The following PRORP variants were observed in gnomAD, a reference collection of about 807,000 sequenced individuals.
The protein encoded by PRORP is protein only RNase P catalytic subunit, also known as mitochondrial ribonuclease P catalytic subunit.
Under a neutral mutation model 59.4 loss-of-function variants are expected in PRORP, and 51 were observed. The ratio of observed to expected loss-of-function variants is 0.86; its 90% confidence interval spans 0.69 to 1.08. PRORP has a LOEUF of 1.08. Ranked by LOEUF, PRORP falls within the 50% of genes least tolerant of loss-of-function variation. PRORP has a pLI of 0.00. For synonymous variants in PRORP, 231 were observed against 245.6 expected (o/e 0.94, Z 0.55); for missense variants, 646 against 690.3 (o/e 0.94, Z 0.72).
rs1200268166 is a variant in PRORP, at chr14:35,266,887, A to G, written c.1424+12A>G. ...TTTGCTGATGACATGTAAGTGTTGG[A>G]GGTAATAGGTGAATTATACTGTGCT... On this transcript the variant is annotated intron_variant, in intron 6 of 7. Transcript: ENST00000534898. The G allele has an allele frequency of 1.9e-6, 3 of 1,613,788 alleles. No homozygotes were observed. In the African/African-American group the frequency reaches 4.0e-5, roughly 22 times the overall value.
At chr14:35,129,240 TTTTAAG>T (rs1158479793) in intron 4 of PRORP, among the ~76,000 whole-genome samples, 1 of 152,052 alleles carries the variant, frequency 6.6e-6, no homozygotes, top group Non-Finnish European at 1.5e-5. Flanking sequence ...AGGTTGTTTA[TTTTAAG>T]TTTTTCTTCT....
chr14:35,173,828 G>A (rs1229381466), intron 4 of PRORP, among the ~76,000 whole-genome samples: 1 of 151,988 alleles, frequency 6.6e-6, no homozygotes, highest in Non-Finnish European at 1.5e-5. Flanking sequence ...CTCAATTGAT[G>A]CTTCTTGCTT....
At chr14:35,209,031 A>AAAAAAT (rs1221861284) in intron 5 of PRORP, among the ~76,000 whole-genome samples, 32 of 152,062 alleles carry the variant, frequency 2.1e-4, no homozygotes, top group African/African-American at 7.0e-4. Context: ...ACTTTGTCTC[A>AAAAAAT]AAAAATAAAA....
At chr14:35,228,654 C>T (rs968524395) in intron 5 of PRORP, among the ~76,000 whole-genome samples, 11 of 152,298 alleles carry the variant, frequency 7.2e-5, no homozygotes, top group Non-Finnish European at 1.0e-4. Flanking sequence ...TTTCTGTGGC[C>T]ACATAGTATT....
intron 4 of PRORP, among the ~76,000 whole-genome samples, chr14:35,163,923 A>G (rs1026030444): frequency 3.9e-5 from 6 of 152,130 alleles, no homozygotes; most frequent in Admixed American, 3.9e-4. Context: ...TAAATCTTTA[A>G]TCCATCTTGA....
chr14:35,228,479 C>A (rs1000830362), intron 5 of PRORP, among the ~76,000 whole-genome samples: 1 of 152,192 alleles, frequency 6.6e-6, no homozygotes, highest in Non-Finnish European at 1.5e-5. Flanking sequence ...CGCTAGTAGT[C>A]CCAGTGTCCG....
chr14:35,122,229 G>A (rs2046932912), upstream of PRORP: 1 of 471,200 alleles, frequency 2.1e-6, no homozygotes, highest in East Asian at 3.5e-5. Flanking sequence ...CACCAAGCCG[G>A]ATTTTAAAGG....
intron 7 of PRORP, among the ~76,000 whole-genome samples, chr14:35,270,955 C>T (rs1419581236): frequency 1.3e-5 from 2 of 151,366 alleles, no homozygotes; most frequent in East Asian, 4.0e-4. Flanking sequence ...GGCGTGGTGG[C>T]GGGTGCCTGT....
At chr14:35,240,294 C>CTTTTTTTT (rs3058452) in intron 5 of PRORP, among the ~76,000 whole-genome samples, 1 of 109,428 alleles carries the variant, frequency 9.1e-6, no homozygotes, top group Non-Finnish European at 1.8e-5. Flanking sequence ...TTTAAACCAT[C>CTTTTTTTT]TTTTTTTTTT....
Position 35,123,759 on chromosome 14 carries a change from A to G in PRORP, c.514A>G (p.Ile172Val), listed in dbSNP as rs1436644798. The part of the protein sequence containing the change: ...LAWVAAKNNG[I>V]VSYDLLVKYL... ...ATGGGTAGCAGCCAAAAATAATGGT[A>G]TTGTAAGTTACGATTTACTGGTCAA... The change falls in exon 2 of 8, where the codon ATT becomes GTT. Residue 172 changes from isoleucine to valine, a missense_variant. By Grantham distance (29) the Ile-to-Val change is conservative (BLOSUM62 3). Transcript: ENST00000534898. 6.2e-7 allele frequency: 1 copy of G among 1,614,206 alleles called. No homozygotes were observed. The highest frequency in any genetic ancestry group is 8.5e-7 in the Non-Finnish European group (1 of 1,180,028).
intron 6 of PRORP, among the ~76,000 whole-genome samples, chr14:35,267,418 A>G (rs1221962061): frequency 6.6e-6 from 1 of 152,158 alleles, no homozygotes. Flanking sequence ...CTGAGGGGGC[A>G]GATTCGATGA....
At chr14:35,217,728 C>A (rs1186686794) in intron 5 of PRORP, among the ~76,000 whole-genome samples, 1 of 151,868 alleles carries the variant, frequency 6.6e-6, no homozygotes, top group Admixed American at 6.6e-5. Context: ...TATCTTGGTA[C>A]CCTTCTTAAA....
intron 5 of PRORP, among the ~76,000 whole-genome samples, chr14:35,251,418 C>T (rs990977558): frequency 2.6e-4 from 39 of 152,124 alleles, no homozygotes; most frequent in African/African-American, 8.7e-4. Context: ...CTTTCCTTTA[C>T]CTTCTTTATC....
chr14:35,225,826 T>C (rs2049919691), intron 5 of PRORP, among the ~76,000 whole-genome samples: 1 of 152,030 alleles, frequency 6.6e-6, no homozygotes. Flanking sequence ...ACAGGCAGAT[T>C]GCTTGAGCTT....
intron 5 of PRORP, chr14:35,262,514 C>G (rs1462156357): frequency 1.9e-5 from 11 of 588,740 alleles, no homozygotes; most frequent in Non-Finnish European, 3.4e-5. Context: ...GGTGACATTA[C>G]TCTGAAGGGA....
chr14:35,180,828 T>C (rs1272056227), intron 5 of PRORP, 51 bp downstream of exon 5: 2 of 1,214,080 alleles, frequency 1.6e-6, no homozygotes, highest in African/African-American at 3.0e-5. Flanking sequence ...ATATTTATTA[T>C]ACCCATTTAT....
At chr14:35,159,227 A>G (rs2047999155) in intron 4 of PRORP, 1 of 163,600 alleles carries the variant, frequency 6.1e-6, no homozygotes, top group African/African-American at 2.4e-5. Context: ...TTCAGGCCTC[A>G]TTGCTTGCCA....
chr14:35,202,969 A>G (rs532417386), intron 5 of PRORP, among the ~76,000 whole-genome samples: 31 of 152,322 alleles, frequency 2.0e-4, no homozygotes, highest in African/African-American at 7.2e-4. Flanking sequence ...TGATAGCACC[A>G]GTTACCTCCA....
intron 5 of PRORP, among the ~76,000 whole-genome samples, chr14:35,193,691 T>A (rs1285106650): frequency 6.6e-6 from 1 of 152,014 alleles, no homozygotes; most frequent in East Asian, 1.9e-4. Flanking sequence ...TCCCCATGCT[T>A]GAAATTATGT....
Sources: gnomAD v4.1 joint callset for allele counts (sites outside exome capture counted in the v4.1 genomes callset) on GRCh38, gnomAD v4.1.1 for gene constraint, MANE v1.5 for transcripts, NCBI Gene and HGNC (gene_info 2026-07-23, HGNC 2026-07-21) for gene names.